Variants in CHRM3 observed in about 807,000 individuals in gnomAD.
The protein encoded by CHRM3 is muscarinic acetylcholine receptor M3.
In CHRM3, 11 loss-of-function variants were observed where a neutral mutation model predicts 41.8. The ratio of observed to expected loss-of-function variants is 0.26; its 90% CI spans 0.17 to 0.44. CHRM3 has a LOEUF of 0.44. CHRM3 is among the 20% of genes least tolerant of loss of function. CHRM3 has a pLI of 1.00. For missense variants in CHRM3, 571 were observed against 745.4 expected (o/e 0.77, Z 2.72); for synonymous variants, 297 against 301.4 (o/e 0.99, Z 0.15).
chr1:239,867,802 A>C (rs1011632973), intron 6 of CHRM3, among the ~76,000 whole-genome samples: 1 of 152,082 alleles, frequency 6.6e-6, no homozygotes, highest in African/African-American at 2.4e-5. Context: ...GTTGGGGCCC[A>C]GAGACAACAC....
chr1:239,683,118 C>G (rs1344816127), intron 5 of CHRM3, among the ~76,000 whole-genome samples: 1 of 152,032 alleles, frequency 6.6e-6, no homozygotes, highest in Admixed American at 6.6e-5. Flanking sequence ...ACACGTTGAC[C>G]AACGTATTGA....
chr1:239,529,914 T>C (rs1444870611), intron 2 of CHRM3, among the ~76,000 whole-genome samples: 1 of 152,008 alleles, frequency 6.6e-6, no homozygotes, highest in East Asian at 1.9e-4. Context: ...TTATTTTTTT[T>C]TGAGACAGAG....
intron 6 of CHRM3, among the ~76,000 whole-genome samples, chr1:239,867,494 C>T (rs893072701): frequency 6.6e-6 from 1 of 152,066 alleles, no homozygotes; most frequent in Non-Finnish European, 1.5e-5. Context: ...TCGAGACCAG[C>T]CTGGCCAACA....
chr1:239,500,182 G>A (rs1668134322), intron 2 of CHRM3, among the ~76,000 whole-genome samples: 1 of 152,126 alleles, frequency 6.6e-6, no homozygotes, highest in Admixed American at 6.6e-5. Flanking sequence ...GTTTATTGCA[G>A]CACTATTCAC....
chr1:239,862,179 C>T (rs1675695017), intron 6 of CHRM3, among the ~76,000 whole-genome samples: 1 of 152,166 alleles, frequency 6.6e-6, no homozygotes, highest in South Asian at 2.1e-4. Flanking sequence ...ATTTTCTATT[C>T]TGCAAACACA....
chr1:239,671,304 G>T (rs144463874), intron 4 of CHRM3, among the ~76,000 whole-genome samples: 2 of 152,174 alleles, frequency 1.3e-5, no homozygotes, highest in African/African-American at 2.4e-5. Context: ...CAGGCTGGGC[G>T]CAGTGGCTCA....
intron 3 of CHRM3, among the ~76,000 whole-genome samples, chr1:239,589,590 T>G: frequency 6.8e-6 from 1 of 146,066 alleles, no homozygotes; most frequent in South Asian, 2.2e-4. Flanking sequence ...GTGCTTGCAA[T>G]TAGCACCTAT....
chr1:239,829,058 G>A (rs1037692540), intron 6 of CHRM3, among the ~76,000 whole-genome samples: 1 of 152,168 alleles, frequency 6.6e-6, no homozygotes. Flanking sequence ...TGTCCTTGAC[G>A]TTGCTTTTGT....
At chr1:239,519,737 A>G (rs1171003885) in intron 2 of CHRM3, among the ~76,000 whole-genome samples, 2 of 113,754 alleles carry the variant, frequency 1.8e-5, no homozygotes, top group East Asian at 5.0e-4. Context: ...GTTAAAAACT[A>G]GTTCTTTTTT....
chr1:239,643,500 C>A (rs1029315369), intron 4 of CHRM3, among the ~76,000 whole-genome samples: 6 of 152,218 alleles, frequency 3.9e-5, no homozygotes, highest in Non-Finnish European at 2.9e-5. Flanking sequence ...GCCGCGCTGC[C>A]GCCTTGCAGT....
intron 2 of CHRM3, among the ~76,000 whole-genome samples, chr1:239,509,457 A>T (rs1668783291): frequency 6.6e-6 from 1 of 152,186 alleles, no homozygotes; most frequent in Non-Finnish European, 1.5e-5. Flanking sequence ...GATAATCTGT[A>T]TATAAAATAC....
At chr1:239,638,373 C>T (rs959672385) in intron 4 of CHRM3, among the ~76,000 whole-genome samples, 55 of 152,132 alleles carry the variant, frequency 3.6e-4, no homozygotes, top group African/African-American at 1.3e-3. Context: ...GTTTACAGTC[C>T]CACCAGCAGT....
intron 2 of CHRM3, among the ~76,000 whole-genome samples, chr1:239,542,008 A>G (rs1658830042): frequency 6.6e-6 from 1 of 152,184 alleles, no homozygotes; most frequent in Admixed American, 6.5e-5. Flanking sequence ...AGTGGAGTAT[A>G]GGCAGTAGAT....
In CHRM3 at chr1:239,907,610, C is replaced by G. The variant is rs149077005; in HGVS notation, c.159C>G (p.Asp53Glu). The stretch of plus-strand genomic sequence containing the variant: ...CAGCTGGCAATTTCTCCTCTCCAGA[C>G]GGTACCACCGATGACCCTCTGGGAG... ...SRAAGNFSSPDGTTDDPLGGH... is the reference protein window; with the variant it reads ...SRAAGNFSSPEGTTDDPLGGH... The change falls in exon 7 of 7, where the codon GAC (aspartate) becomes GAG (glutamate). Residue 53 changes from aspartate to glutamate, a missense_variant. By Grantham distance (45) the Asp-to-Glu change is conservative. Around this residue, in one of 5 missense-constraint regions of CHRM3, gnomAD observed 92 missense variants for 76.1 expected, o/e 1.21. Transcript: ENST00000676153. This position sits in a 1 kb window ranked among gnomAD's most constrained non-coding sequence, Gnocchi z 5.4. 14 of 1,614,040 alleles carry G rather than the reference C, an allele frequency of 8.7e-6. No individual in the cohort carries two copies. The highest frequency in any genetic ancestry group is 1.7e-5 in the Admixed American group (1 of 59,992).
chr1:239,607,745 T>C (rs1181905618), intron 3 of CHRM3, among the ~76,000 whole-genome samples: 2 of 152,192 alleles, frequency 1.3e-5, no homozygotes, highest in Non-Finnish European at 2.9e-5. Context: ...TTATTTCACC[T>C]GAAAAATATC....
At chr1:239,474,366 C>A (rs1222171722) in intron 1 of CHRM3, among the ~76,000 whole-genome samples, 1 of 152,014 alleles carries the variant, frequency 6.6e-6, no homozygotes, top group Non-Finnish European at 1.5e-5. Context: ...AACTCTGTTA[C>A]AAGTAAATTA....
intron 4 of CHRM3, among the ~76,000 whole-genome samples, chr1:239,660,766 T>C (rs1029698474): frequency 1.3e-5 from 2 of 152,124 alleles, no homozygotes; most frequent in Admixed American, 1.3e-4. Context: ...TGCTTGTAAT[T>C]CCACCTATTC....
In CHRM3 at chr1:239,910,333, ATG is replaced by A; in HGVS notation, c.*1110_*1111del. 6.1e-6 allele frequency: 1 copy of A among 163,360 alleles called. No individual in the cohort carries two copies. The allele number at this position is 163,360 out of a possible 1,614,324, so 10.1% of individuals were successfully genotyped here. A position where few individuals can be genotyped will look rare whatever the true frequency, so the allele number is the denominator to read the frequency against. On this transcript the variant is annotated 3_prime_UTR_variant, in exon 7 of 7. Coordinates refer to ENST00000676153, the MANE Select transcript of CHRM3 (RefSeq NM_001375978.1). ...TATATATATGTGTATATATATATATATGGCAAAGCAAAAAAAAAAACATGGTA... is the reference window on the plus strand; with the variant it reads ...TATATATATGTGTATATATATATATAGCAAAGCAAAAAAAAAAACATGGTA...
chr1:239,447,078 T>G (rs952439163), intron 1 of CHRM3, among the ~76,000 whole-genome samples: 2 of 152,222 alleles, frequency 1.3e-5, no homozygotes, highest in African/African-American at 4.8e-5. Flanking sequence ...AAATATTATT[T>G]AACTGGAATC....
Sources: gnomAD v4.1 joint callset for allele counts (sites outside exome capture counted in the v4.1 genomes callset) on GRCh38, gnomAD v4.1.1 for gene constraint, gnomAD v4.1.1 regional missense constraint, Gnocchi (gnomAD v3.1) non-coding constraint, MANE v1.5 for transcripts, NCBI Gene and HGNC (gene_info 2026-07-23, HGNC 2026-07-21) for gene names.